NTM: variants seen among roughly 807,000 people sequenced by gnomAD.
The protein encoded by NTM is neurotrimin, also known as IgLON family member 2.
In NTM, 13 loss-of-function variants were observed where a neutral mutation model predicts 42.1. The ratio of observed to expected loss-of-function variants is 0.31; its 90% CI spans 0.20 to 0.49. The LOEUF is 0.49. Among genes scored for constraint, NTM ranks in the 20% least tolerant of loss-of-function variants. NTM has a pLI of 0.99. For synonymous variants in NTM, 187 were observed against 179.2 expected, an observed-to-expected ratio of 1.04 and a Z score of -0.35; for missense variants, 373 against 452.8, an observed-to-expected ratio of 0.82 and a Z score of 1.60.
intron 1 of NTM, among the ~76,000 whole-genome samples, chr11:131,499,402 C>T (rs1026202524): frequency 2.0e-5 from 3 of 152,154 alleles, no homozygotes; most frequent in Non-Finnish European, 2.9e-5. Context: ...CACATCCGCC[C>T]CCCACTCCCC....
chr11:131,989,442 A>G (rs561565059), intron 2 of NTM, among the ~76,000 whole-genome samples: 11 of 152,304 alleles, frequency 7.2e-5, no homozygotes, highest in African/African-American at 2.2e-4. Flanking sequence ...TACATGGCAT[A>G]AAAGAAACGA....
intron 3 of NTM, among the ~76,000 whole-genome samples, chr11:132,205,129 G>A (rs2081780896): frequency 6.6e-6 from 1 of 152,166 alleles, no homozygotes; most frequent in African/African-American, 2.4e-5. Context: ...CGGAGGAGAT[G>A]CGGGCATCTC....
At chr11:131,437,559 T>G (rs2875358) in intron 1 of NTM, among the ~76,000 whole-genome samples, 105,148 of 151,952 alleles carry the variant, frequency 0.69, 37,468 homozygotes, top group Non-Finnish European at 0.79. Context: ...TGTCTCTTTT[T>G]ATCTTTGTTG....
chr11:131,396,833 CA>C (rs143652343), intron 1 of NTM, among the ~76,000 whole-genome samples: 330 of 143,446 alleles, frequency 2.3e-3, no homozygotes, highest in East Asian at 0.016. Context: ...AATTCTGTCT[CA>C]AAAAAAAAAA....
At chr11:131,926,400 G>A (rs1481989220) in intron 2 of NTM, among the ~76,000 whole-genome samples, 2 of 152,176 alleles carry the variant, frequency 1.3e-5, no homozygotes, top group African/African-American at 2.4e-5. Flanking sequence ...GTAACCTGGT[G>A]TGCAGGGAGG....
At chr11:131,796,792 G>A (rs979823358) in intron 1 of NTM, among the ~76,000 whole-genome samples, 1 of 152,186 alleles carries the variant, frequency 6.6e-6, no homozygotes, top group Non-Finnish European at 1.5e-5. Flanking sequence ...GCAGTTCTCT[G>A]TCATGCACCA....
intron 2 of NTM, among the ~76,000 whole-genome samples, chr11:132,048,229 T>C (rs2078290593): frequency 6.6e-6 from 1 of 152,212 alleles, no homozygotes; most frequent in Non-Finnish European, 1.5e-5. Context: ...AAGGAACGCA[T>C]TGTTAGACAG....
In NTM at chr11:132,041,198, G is replaced by GGT. The variant is rs778223867; in HGVS notation, c.168-105072_168-105071dup. On this transcript the variant is annotated intron_variant, in intron 2 of 8. Coordinates refer to ENST00000683400, the MANE Select transcript of NTM (RefSeq NM_001352005.2). ...TGCTCTGCCTTTTTGTTTGTGTGTGGGTGTGTGTGTGTGAGAGAGAGAGAG... is the reference window on the plus strand; with the variant it reads ...TGCTCTGCCTTTTTGTTTGTGTGTGGGTGTGTGTGTGTGTGAGAGAGAGAGAG... Among the ~76,000 whole-genome samples, 50 of 145,716 alleles carry GGT rather than the reference G, an allele frequency of 3.4e-4. 1 individual carries two copies. The highest frequency in any genetic ancestry group is 7.0e-4 in the Admixed American group (10 of 14,302).
At chr11:131,977,792 A>AG (rs1283510901) in intron 2 of NTM, among the ~76,000 whole-genome samples, 1 of 148,106 alleles carries the variant, frequency 6.8e-6, no homozygotes, top group Non-Finnish European at 1.5e-5. Context: ...CTCGAAGAAA[A>AG]GGAAAAAAAA....
At chr11:132,060,994 G>T (rs114045552) in intron 2 of NTM, among the ~76,000 whole-genome samples, 2,390 of 152,290 alleles carry the variant, frequency 0.016, 67 homozygotes, top group African/African-American at 0.055. Context: ...GTGAATGCAT[G>T]CTAAAATGCT....
At chr11:131,886,900 G>A (rs766024106) in intron 1 of NTM, among the ~76,000 whole-genome samples, 7 of 152,318 alleles carry the variant, frequency 4.6e-5, no homozygotes, top group Non-Finnish European at 7.3e-5. Flanking sequence ...CCTACTGTGC[G>A]TTAGGCACTG....
At chr11:131,925,646 A>G (rs1295534255) in intron 2 of NTM, among the ~76,000 whole-genome samples, 5 of 152,152 alleles carry the variant, frequency 3.3e-5, no homozygotes, top group Admixed American at 6.5e-5. Flanking sequence ...TGGCCTGCCA[A>G]AGTGCTGGGA....
intron 1 of NTM, among the ~76,000 whole-genome samples, chr11:131,775,773 G>A (rs993088620): frequency 6.6e-6 from 1 of 152,158 alleles, no homozygotes; most frequent in African/African-American, 2.4e-5. Flanking sequence ...GTACAGTAAT[G>A]TAAGAAACTC....
chr11:131,683,037 T>C (rs571179965), intron 1 of NTM, among the ~76,000 whole-genome samples: 2 of 152,276 alleles, frequency 1.3e-5, no homozygotes, highest in Admixed American at 1.3e-4. Context: ...CCCATACCAC[T>C]TTCTAGGAAT....
At chr11:131,460,618 T>C (rs1041972762) in intron 1 of NTM, among the ~76,000 whole-genome samples, 2 of 152,152 alleles carry the variant, frequency 1.3e-5, no homozygotes, top group Admixed American at 1.3e-4. Context: ...AGTGGCGCGA[T>C]CTCAGCTCAC....
chr11:131,617,247 G>A (rs2062035357), intron 1 of NTM, among the ~76,000 whole-genome samples: 1 of 152,158 alleles, frequency 6.6e-6, no homozygotes, highest in African/African-American at 2.4e-5. Flanking sequence ...AGAATCTAGG[G>A]TGACGTGGCT....
Position 131,939,749 on chromosome 11 carries a change from G to A in NTM, c.167+28101G>A, listed in dbSNP as rs572888633. 5.3e-5 allele frequency among the ~76,000 whole-genome samples: 8 copies of A among 152,328 alleles called. No homozygotes were observed. The South Asian group carries it at 1.7e-3, about 32-fold the overall frequency. ...TTATGAATTTTCCAACAGGACAGTT[G>A]AGAGCATGAGGAATTTACCAAATGA... On this transcript the variant is annotated intron_variant, in intron 2 of 8. Transcript: ENST00000683400.
At chr11:131,484,373 A>G (rs1031181422) in intron 1 of NTM, among the ~76,000 whole-genome samples, 2 of 152,176 alleles carry the variant, frequency 1.3e-5, no homozygotes, top group Non-Finnish European at 2.9e-5. Flanking sequence ...CCAAGAGTTG[A>G]TTTTCCTTTT....
chr11:132,152,262 G>T (rs562775536), intron 3 of NTM, among the ~76,000 whole-genome samples: 1 of 152,338 alleles, frequency 6.6e-6, no homozygotes, highest in East Asian at 1.9e-4. Flanking sequence ...GGAGAGCTCT[G>T]CAGATCTTTG....
Sources: allele counts gnomAD v4.1 joint callset (sites outside exome capture counted in the v4.1 genomes callset), GRCh38; gene constraint gnomAD v4.1.1; transcripts MANE v1.5; gene names NCBI Gene and HGNC (gene_info 2026-07-23, HGNC 2026-07-21).